STARD13: variants seen among roughly 807,000 people sequenced by gnomAD.
The protein encoded by STARD13 is StAR related lipid transfer domain containing 13.
Under a neutral mutation model 106.4 loss-of-function variants are expected in STARD13, and 62 were observed. The observed-to-expected ratio is 0.58, with a 90% CI of 0.48 to 0.72. The LOEUF is 0.72. Ranked by LOEUF, STARD13 falls within the 30% of genes least tolerant of loss-of-function variation. STARD13 has a pLI of 0.00. For synonymous variants in STARD13, 565 were observed against 553.0 expected (o/e 1.02, Z -0.31); for missense variants, 1,387 against 1,424.0 (o/e 0.97, Z 0.42).
At chr13:33,178,215 A>G (rs1884897793) in intron 1 of STARD13, among the ~76,000 whole-genome samples, 1 of 152,190 alleles carries the variant, frequency 6.6e-6, no homozygotes, top group South Asian at 2.1e-4. Context: ...GCACTCGACA[A>G]TGCATTTTGA....
chr13:33,524,229 A>G, the STARD13 span: 1 of 1,276,298 alleles, frequency 7.8e-7, no homozygotes, highest in Non-Finnish European at 1.0e-6. Flanking sequence ...TAAGAAAACT[A>G]AAACTTACTT....
At chr13:33,248,752 C>T (rs1313318214) in intron 1 of STARD13, among the ~76,000 whole-genome samples, 1 of 152,068 alleles carries the variant, frequency 6.6e-6, no homozygotes, top group Non-Finnish European at 1.5e-5. Context: ...TCTTTCTCAC[C>T]ATTATCCTTT....
chr13:33,444,888 T>C, the STARD13 span, among the ~76,000 whole-genome samples: 3 of 152,232 alleles, frequency 2.0e-5, no homozygotes, highest in Non-Finnish European at 4.4e-5. Flanking sequence ...TATAAATCCA[T>C]GTTCATGCAG....
chr13:33,508,603 TA>T, the STARD13 span, among the ~76,000 whole-genome samples: 1 of 152,112 alleles, frequency 6.6e-6, no homozygotes, highest in Admixed American at 6.5e-5. Flanking sequence ...TGGAGTGTTG[TA>T]AATGACAGTT....
chr13:33,105,738 T>G (rs756383906), intron 13 of STARD13, 28 bp from the exon 14 acceptor site: 1 of 1,573,800 alleles, frequency 6.4e-7, no homozygotes, highest in Non-Finnish European at 8.7e-7. Context: ...AGAAAGGAAG[T>G]GGGAAAGTTT....
At chr13:33,206,366 A>AACACACACACACACACACAC (rs59306930) in intron 1 of STARD13, among the ~76,000 whole-genome samples, 77 of 149,574 alleles carry the variant, frequency 5.1e-4, no homozygotes, top group Non-Finnish European at 8.9e-4. Flanking sequence ...CCATGACTGA[A>AACACACACACACACACACAC]ACACACACAC....
chr13:33,565,279 T>A, the STARD13 span, among the ~76,000 whole-genome samples: 10 of 147,170 alleles, frequency 6.8e-5, 1 homozygote, highest in Non-Finnish European at 1.4e-4. Flanking sequence ...CAAATATCAG[T>A]ACAGTGACTA....
chr13:33,137,380 T>C (rs1879197655), intron 4 of STARD13, among the ~76,000 whole-genome samples: 1 of 152,238 alleles, frequency 6.6e-6, no homozygotes, highest in Non-Finnish European at 1.5e-5. Context: ...GTGAAATGAA[T>C]GGGCGTAGCT....
chr13:33,457,651 A>C, the STARD13 span, among the ~76,000 whole-genome samples: 1 of 152,224 alleles, frequency 6.6e-6, no homozygotes, highest in African/African-American at 2.4e-5. Context: ...GTCCAGGATC[A>C]AGGTGCCAGC....
the STARD13 span, among the ~76,000 whole-genome samples, chr13:33,391,822 AG>A: frequency 6.6e-6 from 1 of 152,146 alleles, no homozygotes; most frequent in East Asian, 1.9e-4. Context: ...CCTGCTTCAG[AG>A]GAAACACCTT....
chr13:33,504,159 A>T, the STARD13 span, among the ~76,000 whole-genome samples: 27 of 152,292 alleles, frequency 1.8e-4, no homozygotes, highest in African/African-American at 5.5e-4. Context: ...TGTTGGTGGG[A>T]CTGTAAACTA....
intron 1 of STARD13, among the ~76,000 whole-genome samples, chr13:33,226,086 C>T (rs1260067810): frequency 6.6e-6 from 1 of 152,218 alleles, no homozygotes; most frequent in African/African-American, 2.4e-5. Context: ...CGGCCATCTG[C>T]AAGCCAGGCA....
intron 1 of STARD13, among the ~76,000 whole-genome samples, chr13:33,236,734 G>T (rs563884245): frequency 6.6e-6 from 1 of 152,278 alleles, no homozygotes; most frequent in East Asian, 1.9e-4. Context: ...GGAATCAACT[G>T]GTCTTCAATC....
intron 1 of STARD13, among the ~76,000 whole-genome samples, chr13:33,279,178 T>C (rs925209201): frequency 6.6e-6 from 1 of 152,206 alleles, no homozygotes; most frequent in African/African-American, 2.4e-5. Context: ...AATCTCCATC[T>C]ATTTATGTCC....
intron 4 of STARD13, among the ~76,000 whole-genome samples, chr13:33,134,356 C>A (rs1298911002): frequency 6.6e-6 from 1 of 152,198 alleles, no homozygotes; most frequent in East Asian, 1.9e-4. Context: ...CCAAAGCTGT[C>A]CTGGGCCACA....
chr13:33,378,068 A>C, the STARD13 span, among the ~76,000 whole-genome samples: 1 of 152,134 alleles, frequency 6.6e-6, no homozygotes, highest in Non-Finnish European at 1.5e-5. Context: ...AATTGAGCCA[A>C]GTTTATTTTA....
At chr13:33,664,187 C>T in the STARD13 span, among the ~76,000 whole-genome samples, 1 of 152,238 alleles carries the variant, frequency 6.6e-6, no homozygotes, top group Admixed American at 6.5e-5. Flanking sequence ...TTCTCAACTT[C>T]ACATTTCCAC....
chr13:33,555,472 T>C, the STARD13 span, among the ~76,000 whole-genome samples: 1 of 152,196 alleles, frequency 6.6e-6, no homozygotes, highest in African/African-American at 2.4e-5. Flanking sequence ...CTGAAATTAT[T>C]TTGTAATTGG....
chr13:33,159,554 T>C (rs1882383007), intron 3 of STARD13, among the ~76,000 whole-genome samples: 1 of 152,228 alleles, frequency 6.6e-6, no homozygotes, highest in African/African-American at 2.4e-5. Flanking sequence ...AAATATGCAA[T>C]AGAATTTTTA....
Sources: allele counts gnomAD v4.1 joint callset (sites outside exome capture counted in the v4.1 genomes callset), GRCh38; gene constraint gnomAD v4.1.1; transcripts MANE v1.5; gene names NCBI Gene and HGNC (gene_info 2026-07-23, HGNC 2026-07-21).